ANKRD44: variants seen among roughly 807,000 people sequenced by gnomAD.
The protein encoded by ANKRD44 is serine/threonine-protein phosphatase 6 regulatory ankyrin repeat subunit B.
A neutral mutation model predicts 116.0 loss-of-function variants in ANKRD44; 35 were observed. That is an observed-to-expected ratio of 0.30 (90% confidence interval 0.23 to 0.40). The LOEUF (loss-of-function observed/expected upper bound fraction) is 0.40, where lower values mean the gene tolerates loss of function less well. Among genes scored for constraint, ANKRD44 ranks in the 10% least tolerant of loss-of-function variants. The pLI is 1.00. For missense variants in ANKRD44, 1,014 were observed against 1,242.6 expected, an observed-to-expected ratio of 0.82 and a Z score of 2.77; for synonymous variants, 435 against 461.8, an observed-to-expected ratio of 0.94 and a Z score of 0.74.
At chr2:197,248,579 T>TAC (rs2082247184) in intron 1 of ANKRD44, among the ~76,000 whole-genome samples, 2 of 42,182 alleles carry the variant, frequency 4.7e-5, no homozygotes, top group African/African-American at 9.4e-5. Flanking sequence ...TGTGTGTGTG[T>TAC]ATATATATAT....
At chr2:197,288,019 CAAAAA>C (rs10666895) in intron 1 of ANKRD44, among the ~76,000 whole-genome samples, 3 of 81,798 alleles carry the variant, frequency 3.7e-5, no homozygotes, top group Non-Finnish European at 4.6e-5. Flanking sequence ...GACTCAGTCT[CAAAAA>C]AAAAAAAAAA....
chr2:197,118,615 A>AAGAGAG (rs57255941), intron 8 of ANKRD44, among the ~76,000 whole-genome samples: 11 of 76,398 alleles, frequency 1.4e-4, no homozygotes, highest in African/African-American at 7.9e-4. Context: ...GAGAGAAAGA[A>AAGAGAG]AGAGAGAGAG....
intron 1 of ANKRD44, among the ~76,000 whole-genome samples, chr2:197,260,125 G>A (rs2082557747): frequency 6.6e-6 from 1 of 152,168 alleles, no homozygotes; most frequent in South Asian, 2.1e-4. Flanking sequence ...GGGTACATGT[G>A]CACAACGTGC....
At chr2:197,265,546 C>A (rs2082720711) in intron 1 of ANKRD44, among the ~76,000 whole-genome samples, 1 of 152,118 alleles carries the variant, frequency 6.6e-6, no homozygotes, top group African/African-American at 2.4e-5. Flanking sequence ...CATGCCCGGC[C>A]AGTAACAGCT....
chr2:197,169,435 G>A (rs1016118766), intron 2 of ANKRD44, among the ~76,000 whole-genome samples: 4 of 152,084 alleles, frequency 2.6e-5, no homozygotes, highest in African/African-American at 9.7e-5. Flanking sequence ...CAAGGACCAG[G>A]CCTGTGTCCA....
intron 1 of ANKRD44, among the ~76,000 whole-genome samples, chr2:197,272,105 A>C (rs1389139668): frequency 6.6e-6 from 1 of 152,210 alleles, no homozygotes; most frequent in Non-Finnish European, 1.5e-5. Flanking sequence ...TCACAACAAG[A>C]AGTCTGCAGC....
At chr2:197,289,796 G>T (rs1293264757) in intron 1 of ANKRD44, among the ~76,000 whole-genome samples, 1 of 152,028 alleles carries the variant, frequency 6.6e-6, no homozygotes, top group Non-Finnish European at 1.5e-5. Context: ...GGTAACTTTT[G>T]TCAAAACACA....
chr2:197,165,000 A>G (rs1184139685), intron 2 of ANKRD44, among the ~76,000 whole-genome samples: 1 of 152,148 alleles, frequency 6.6e-6, no homozygotes. Context: ...ATTTGTCTGT[A>G]AAATGGGGCT....
intron 1 of ANKRD44, among the ~76,000 whole-genome samples, chr2:197,266,911 G>C (rs775927000): frequency 2.9e-4 from 44 of 152,024 alleles, no homozygotes; most frequent in Non-Finnish European, 3.4e-4. Flanking sequence ...CAAAAAGCTT[G>C]ACCGTCTCAG....
chr2:197,047,639 C>T (rs1014698442), intron 16 of ANKRD44, among the ~76,000 whole-genome samples: 3 of 151,832 alleles, frequency 2.0e-5, no homozygotes, highest in African/African-American at 7.3e-5. Flanking sequence ...GGGCTGGGTG[C>T]GGTGGCTCAC....
At chr2:197,153,255 CAAG>C (rs144772611) in intron 2 of ANKRD44, among the ~76,000 whole-genome samples, 80,664 of 129,854 alleles carry the variant, frequency 0.62, 27,153 homozygotes, top group East Asian at 0.93. Context: ...AAAGAAGAAA[CAAG>C]AAGAAGAGGA....
intron 1 of ANKRD44, 66 bp downstream of exon 1, chr2:197,310,512 C>T: frequency 6.1e-6 from 6 of 989,082 alleles, no homozygotes; most frequent in Non-Finnish European, 7.2e-6. Flanking sequence ...GCGCCCCCAT[C>T]CCCCCGCCGG....
At chr2:197,003,522 T>C (rs1162318443) in intron 21 of ANKRD44, among the ~76,000 whole-genome samples, 1 of 152,132 alleles carries the variant, frequency 6.6e-6, no homozygotes, top group Non-Finnish European at 1.5e-5. Flanking sequence ...TGAGCTCCTT[T>C]CAATATTTCA....
intron 21 of ANKRD44, among the ~76,000 whole-genome samples, chr2:196,971,737 ACT>A (rs772722050): frequency 1.3e-5 from 2 of 151,090 alleles, no homozygotes; most frequent in Non-Finnish European, 3.0e-5. Context: ...TGCTAGTAAA[ACT>A]CTTAGACCTG....
intron 9 of ANKRD44, among the ~76,000 whole-genome samples, chr2:197,109,874 A>G (rs2078523557): frequency 1.3e-5 from 2 of 152,190 alleles, no homozygotes; most frequent in South Asian, 4.1e-4. Context: ...ACTCCCTAGT[A>G]CTTTGACTTC....
chr2:196,970,995 G>T (rs899597950), intron 21 of ANKRD44, among the ~76,000 whole-genome samples: 1 of 152,238 alleles, frequency 6.6e-6, no homozygotes, highest in East Asian at 1.9e-4. Context: ...AAGCCACCAC[G>T]ACTGGCCAAT....
chr2:197,241,180 A>T (rs2082083210), intron 1 of ANKRD44, among the ~76,000 whole-genome samples: 1 of 152,218 alleles, frequency 6.6e-6, no homozygotes, highest in Non-Finnish European at 1.5e-5. Flanking sequence ...CTCCCAGAAA[A>T]GCTAACATCT....
chr2:197,215,234 T>C (rs564384353), intron 1 of ANKRD44, among the ~76,000 whole-genome samples: 1 of 152,330 alleles, frequency 6.6e-6, no homozygotes, highest in African/African-American at 2.4e-5. Flanking sequence ...CATCAGAATC[T>C]TCTGTGTTGA....
At chr2:197,271,249 C>T (rs927920817) in intron 1 of ANKRD44, among the ~76,000 whole-genome samples, 6 of 152,270 alleles carry the variant, frequency 3.9e-5, no homozygotes, top group East Asian at 1.9e-4. Context: ...ATGTTAAAAC[C>T]GAATTCCCAA....
Sources: allele counts gnomAD v4.1 joint callset (sites outside exome capture counted in the v4.1 genomes callset), GRCh38; gene constraint gnomAD v4.1.1; transcripts MANE v1.5; gene names NCBI Gene and HGNC (gene_info 2026-07-23, HGNC 2026-07-21).